SLC2A13: variants seen among roughly 807,000 people sequenced by gnomAD.
SLC2A13 encodes solute carrier family 2 member 13, also known as proton myo-inositol cotransporter.
Under a neutral mutation model 64.4 loss-of-function variants are expected in SLC2A13, and 32 were observed. The observed-to-expected ratio is 0.50, with a 90% CI of 0.37 to 0.67. The LOEUF (loss-of-function observed/expected upper bound fraction) is 0.67. Ranked by LOEUF, SLC2A13 falls within the 30% of genes least tolerant of loss-of-function variation. The probability of loss-of-function intolerance (pLI) is 0.00; values close to 1 mark genes in which losing one functional copy is unlikely to be tolerated. For synonymous variants in SLC2A13, 338 were observed against 327.1 expected (o/e 1.03, Z -0.36); for missense variants, 743 against 829.2 (o/e 0.90, Z 1.28).
intron 3 of SLC2A13, among the ~76,000 whole-genome samples, chr12:39,957,219 T>G (rs767677130): frequency 6.6e-6 from 1 of 152,128 alleles, no homozygotes; most frequent in Non-Finnish European, 1.5e-5. Flanking sequence ...AAGAGGAAAC[T>G]AAACACAGAA....
intron 4 of SLC2A13, among the ~76,000 whole-genome samples, chr12:39,882,771 T>C (rs1001602480): frequency 3.3e-5 from 5 of 152,350 alleles, no homozygotes; most frequent in African/African-American, 1.2e-4. Context: ...AAATTCCTTC[T>C]ACATTTGCTG....
At chr12:39,998,011 C>T (rs772206498) in intron 3 of SLC2A13, among the ~76,000 whole-genome samples, 36 of 152,072 alleles carry the variant, frequency 2.4e-4, no homozygotes, top group Non-Finnish European at 4.6e-4. Context: ...CCAACAATCC[C>T]GCTACTGGAT....
Position 40,105,605 on chromosome 12 carries a change from C to G in SLC2A13, c.204G>C (p.Ala68=), listed in dbSNP as rs1173594437. Reference sequence around the variant, plus strand: ...TCTCGTCCTGCTGGAACTGCCGCCGCGCCGCGCGCTCCAGGTCCCCGACGC... The same window carrying G: ...TCTCGTCCTGCTGGAACTGCCGCCGGGCCGCGCGCTCCAGGTCCCCGACGC... ...GGGVGDLERA[A]RRQFQQDETP... Residue 68 remains alanine (A), a synonymous_variant, in exon 1 of 10, where the codon GCG becomes GCC. Transcript: ENST00000280871. The surrounding 1 kb of genome is among the most constrained non-coding windows in gnomAD (Gnocchi z 4.2). 2.6e-6 allele frequency: 4 copies of G among 1,521,914 alleles called. No individual in the cohort carries two copies. In the Admixed American group the frequency reaches 6.4e-5, roughly 24 times the overall value. The allele number at this position is 1,521,914 out of a possible 1,614,324, so 94.3% of individuals were successfully genotyped here.
At chr12:39,945,494 T>G (rs1946117726) in intron 4 of SLC2A13, among the ~76,000 whole-genome samples, 1 of 152,114 alleles carries the variant, frequency 6.6e-6, no homozygotes, top group Non-Finnish European at 1.5e-5. Flanking sequence ...CGATTATTCT[T>G]AGGTTTGGTC....
intron 7 of SLC2A13, among the ~76,000 whole-genome samples, chr12:39,777,553 C>T (rs1170354803): frequency 2.6e-5 from 4 of 152,152 alleles, no homozygotes; most frequent in Non-Finnish European, 5.9e-5. Flanking sequence ...TTTTTGTTTT[C>T]CTGCACAAAT....
At chr12:40,073,524 C>T (rs1164296839) in intron 1 of SLC2A13, among the ~76,000 whole-genome samples, 14 of 152,128 alleles carry the variant, frequency 9.2e-5, no homozygotes, top group Admixed American at 6.5e-4. Context: ...TGTTTTCTTA[C>T]GTAGATCTGA....
intron 3 of SLC2A13, among the ~76,000 whole-genome samples, chr12:39,958,505 G>A (rs1316754015): frequency 6.6e-6 from 1 of 152,146 alleles, no homozygotes; most frequent in African/African-American, 2.4e-5. Context: ...CCTAATATGT[G>A]GTCTCAACAT....
chr12:39,858,316 G>A (rs754913032), intron 6 of SLC2A13, among the ~76,000 whole-genome samples: 1 of 152,012 alleles, frequency 6.6e-6, no homozygotes. Flanking sequence ...TCTCCAATGG[G>A]TCTGTAGATA....
chr12:39,801,303 C>T (rs1254715347), intron 7 of SLC2A13, among the ~76,000 whole-genome samples: 3 of 136,474 alleles, frequency 2.2e-5, no homozygotes, highest in African/African-American at 8.2e-5. Flanking sequence ...TAGTGTTTCA[C>T]TTGATAAATA....
chr12:39,856,602 C>T lies in SLC2A13; in HGVS notation c.1319+8160G>A, dbSNP rs538475220. 3.3e-5 allele frequency among the ~76,000 whole-genome samples: 5 copies of T among 152,228 alleles called. No homozygotes were observed. In the East Asian group the frequency reaches 7.7e-4, roughly 24 times the overall value. The stretch of plus-strand genomic sequence containing the variant: ...CAGGATGGTCTCGATCTCTTGACCT[C>T]GTGATTTGCCCACCTCGGCCTCCCA... On this transcript the variant is annotated intron_variant, in intron 6 of 9. Coordinates refer to ENST00000280871, the MANE Select transcript of SLC2A13 (RefSeq NM_052885.4).
At chr12:40,024,718 C>T (rs1243973918) in intron 3 of SLC2A13, among the ~76,000 whole-genome samples, 1 of 152,124 alleles carries the variant, frequency 6.6e-6, no homozygotes, top group East Asian at 1.9e-4. Flanking sequence ...ACCTCTGATG[C>T]ATGTCACTCA....
intron 4 of SLC2A13, among the ~76,000 whole-genome samples, chr12:39,897,727 CT>C (rs1944965238): frequency 6.6e-6 from 1 of 152,056 alleles, no homozygotes; most frequent in African/African-American, 2.4e-5. Flanking sequence ...AATATCTTCA[CT>C]GTAGAGAAAC....
chr12:39,959,299 G>A (rs926367298), intron 3 of SLC2A13, among the ~76,000 whole-genome samples: 1 of 152,228 alleles, frequency 6.6e-6, no homozygotes, highest in African/African-American at 2.4e-5. Flanking sequence ...TCAACCCCAT[G>A]TGGTTCAATC....
At chr12:40,094,166 G>A (rs1938858240) in intron 1 of SLC2A13, among the ~76,000 whole-genome samples, 1 of 152,202 alleles carries the variant, frequency 6.6e-6, no homozygotes, top group Non-Finnish European at 1.5e-5. Flanking sequence ...ACAACTCCAA[G>A]GCTTTTGGTG....
intron 4 of SLC2A13, among the ~76,000 whole-genome samples, chr12:39,895,518 AT>A (rs1455265637): frequency 9.8e-4 from 1 of 1,018 alleles, no homozygotes; most frequent in African/African-American, 2.1e-3. Flanking sequence ...AAAAAATTAT[AT>A]ATATATATAT....
chr12:39,908,807 T>C (rs1454956491), intron 4 of SLC2A13, among the ~76,000 whole-genome samples: 1 of 151,932 alleles, frequency 6.6e-6, no homozygotes, highest in Non-Finnish European at 1.5e-5. Flanking sequence ...GTTTGGTATT[T>C]GGGAGGACCA....
Position 39,864,771 on chromosome 12 carries a change from G to C in SLC2A13, c.1310C>G (p.Thr437Arg). 1 of 1,614,010 alleles carries C rather than the reference G, an allele frequency of 6.2e-7. No homozygotes were observed. The highest frequency in any genetic ancestry group is 8.5e-7 in the Non-Finnish European group (1 of 1,179,928). Residue 437 changes from threonine to arginine, a missense_variant, in exon 6 of 10, where the codon ACA (threonine) becomes AGA (arginine). Physicochemically the swap from Thr to Arg is moderately conservative, Grantham distance 71. Coordinates refer to ENST00000280871, the MANE Select transcript of SLC2A13 (RefSeq NM_052885.4). Reference sequence around the variant, plus strand: ...CATAATGGAATCTCACCTGTATCTTGTGCAAGTGGCGTTCTGACCTGACGG... The same window carrying C: ...CATAATGGAATCTCACCTGTATCTTCTGCAAGTGGCGTTCTGACCTGACGG... ...IAPSGQNATCTRYSYCNECML... is the reference protein window; with the variant it reads ...IAPSGQNATCRRYSYCNECML...
chr12:39,859,733 G>A (rs376481145), intron 6 of SLC2A13, among the ~76,000 whole-genome samples: 1 of 152,050 alleles, frequency 6.6e-6, no homozygotes, highest in Non-Finnish European at 1.5e-5. Flanking sequence ...CACCATGTTG[G>A]CCGGGCTGGT....
intron 7 of SLC2A13, among the ~76,000 whole-genome samples, chr12:39,808,923 C>G (rs1362041918): frequency 6.6e-6 from 1 of 151,974 alleles, no homozygotes; most frequent in Non-Finnish European, 1.5e-5. Flanking sequence ...TTTTAATGAA[C>G]TCCAATATAT....
Sources: allele counts gnomAD v4.1 joint callset (sites outside exome capture counted in the v4.1 genomes callset), GRCh38; gene constraint gnomAD v4.1.1; non-coding constraint Gnocchi (gnomAD v3.1); transcripts MANE v1.5; gene names NCBI Gene and HGNC (gene_info 2026-07-23, HGNC 2026-07-21).